The following CATSPERT variants were observed in gnomAD, a reference collection of about 807,000 sequenced individuals.
CATSPERT encodes the protein catsper channel auxiliary subunit tau.
the CATSPERT span, among the ~76,000 whole-genome samples, chr2:201,522,445 G>C: frequency 1.3e-5 from 2 of 152,218 alleles, no homozygotes; most frequent in South Asian, 4.1e-4. Context: ...TCTTCGGAAG[G>C]AAGGCATTGA....
chr2:201,573,042 G>A, the CATSPERT span, among the ~76,000 whole-genome samples: 1 of 152,116 alleles, frequency 6.6e-6, no homozygotes, highest in Non-Finnish European at 1.5e-5. Context: ...GCACTAAGAG[G>A]ACTGCATTTT....
At chr2:201,523,867 G>A in the CATSPERT span, among the ~76,000 whole-genome samples, 1 of 152,114 alleles carries the variant, frequency 6.6e-6, no homozygotes, top group African/African-American at 2.4e-5. Flanking sequence ...AGCATCAAAA[G>A]CAGAATAGAC....
chr2:201,611,140 G>T, the CATSPERT span, among the ~76,000 whole-genome samples: 1 of 152,072 alleles, frequency 6.6e-6, no homozygotes, highest in Non-Finnish European at 1.5e-5. Flanking sequence ...AAAATAAAAG[G>T]CATCCAAATT....
chr2:201,617,858 A>T, the CATSPERT span, among the ~76,000 whole-genome samples: 30 of 152,370 alleles, frequency 2.0e-4, no homozygotes, highest in South Asian at 4.3e-3. Flanking sequence ...AAACAAATTT[A>T]CAAGAAAAAA....
At chr2:201,574,999 C>G in the CATSPERT span, among the ~76,000 whole-genome samples, 1 of 148,462 alleles carries the variant, frequency 6.7e-6, no homozygotes, top group African/African-American at 2.5e-5. Context: ...TACTCTCTTA[C>G]CCAATGATTT....
At chr2:201,582,630 A>G in the CATSPERT span, among the ~76,000 whole-genome samples, 1 of 152,238 alleles carries the variant, frequency 6.6e-6, no homozygotes, top group Admixed American at 6.5e-5. Context: ...CAGGTTATCC[A>G]AATATCCAAC....
At chr2:201,522,699 C>T in the CATSPERT span, among the ~76,000 whole-genome samples, 1 of 152,190 alleles carries the variant, frequency 6.6e-6, no homozygotes, top group African/African-American at 2.4e-5. Context: ...TTGGCAGGGA[C>T]AGGGCTCCAA....
chr2:201,493,886 G>A, the CATSPERT span: 1 of 1,536,918 alleles, frequency 6.5e-7, no homozygotes, highest in South Asian at 1.2e-5. Context: ...TTAGAGACAT[G>A]TTCTTCTACC....
At chr2:201,529,074 CTA>C in the CATSPERT span, among the ~76,000 whole-genome samples, 4 of 151,982 alleles carry the variant, frequency 2.6e-5, no homozygotes, top group Non-Finnish European at 5.9e-5. Context: ...ACAAGGAAAA[CTA>C]TGAAACACTG....
At chr2:201,493,362 G>A in the CATSPERT span, 1 of 1,536,728 alleles carries the variant, frequency 6.5e-7, no homozygotes, top group South Asian at 1.2e-5. Flanking sequence ...TGGGAATGAT[G>A]GGTATACTCT....
At chr2:201,586,839 C>T in the CATSPERT span, among the ~76,000 whole-genome samples, 1 of 151,666 alleles carries the variant, frequency 6.6e-6, no homozygotes, top group Non-Finnish European at 1.5e-5. Flanking sequence ...GTTGTAAATA[C>T]CTCATTTATT....
the CATSPERT span, chr2:201,553,823 G>A: frequency 2.1e-4 from 32 of 152,164 alleles, no homozygotes; most frequent in African/African-American, 7.7e-4. Context: ...TGATCTAATA[G>A]GCACTGTCTG....
chr2:201,551,207 G>A, the CATSPERT span, among the ~76,000 whole-genome samples: 3 of 152,254 alleles, frequency 2.0e-5, no homozygotes, highest in East Asian at 5.8e-4. Flanking sequence ...GTTTCAGTTA[G>A]TATATCATGA....
the CATSPERT span, among the ~76,000 whole-genome samples, chr2:201,506,085 G>C: frequency 6.6e-6 from 1 of 152,154 alleles, no homozygotes; most frequent in Admixed American, 6.5e-5. Context: ...GGCTAACATG[G>C]TGAAACCCCG....
the CATSPERT span, among the ~76,000 whole-genome samples, chr2:201,610,314 C>T: frequency 3.3e-5 from 5 of 152,042 alleles, no homozygotes; most frequent in East Asian, 3.9e-4. Context: ...AAAAATTAGC[C>T]GGGCGTGGTG....
chr2:201,493,749 A>T, the CATSPERT span: 1 of 1,537,234 alleles, frequency 6.5e-7, no homozygotes, highest in East Asian at 2.4e-5. Flanking sequence ...TTTGCCTCAT[A>T]ATGTAGTCAT....
chr2:201,595,264 C>T, the CATSPERT span, among the ~76,000 whole-genome samples: 8 of 150,100 alleles, frequency 5.3e-5, no homozygotes, highest in Non-Finnish European at 8.9e-5. Flanking sequence ...TCTCGGCTCA[C>T]TGCAAGCTCC....
the CATSPERT span, chr2:201,537,474 G>T: frequency 6.3e-7 from 1 of 1,584,020 alleles, no homozygotes; most frequent in Non-Finnish European, 8.6e-7. Context: ...TTTACAAGAG[G>T]GATATCTGCT....
At chr2:201,522,345 G>C in the CATSPERT span, among the ~76,000 whole-genome samples, 1 of 152,104 alleles carries the variant, frequency 6.6e-6, no homozygotes, top group Non-Finnish European at 1.5e-5. Context: ...AATCCAGGAA[G>C]AGGAGCCAGG....
Sources: allele counts gnomAD v4.1 joint callset (sites outside exome capture counted in the v4.1 genomes callset), GRCh38; gene constraint gnomAD v4.1.1; transcripts MANE v1.5; gene names NCBI Gene and HGNC (gene_info 2026-07-23, HGNC 2026-07-21).